PTP4A1: variants seen among roughly 807,000 people sequenced by gnomAD.
PTP4A1 encodes protein tyrosine phosphatase type IVA 1.
Under a neutral mutation model 20.5 loss-of-function variants are expected in PTP4A1, and 9 were observed. That is an observed-to-expected ratio of 0.44 (90% confidence interval 0.26 to 0.77). The LOEUF is 0.77. Among genes scored for constraint, PTP4A1 ranks in the 30% least tolerant of loss-of-function variants. The pLI, the probability that PTP4A1 is intolerant of heterozygous loss-of-function variation, is 0.19. For synonymous variants in PTP4A1, 78 were observed against 67.4 expected (o/e 1.16, Z -0.77); for missense variants, 137 against 218.8 (o/e 0.63, Z 2.36).
chr6:63,560,863 T>C (rs1035133921), intron 3 of PTP4A1, among the ~76,000 whole-genome samples: 8 of 152,126 alleles, frequency 5.3e-5, no homozygotes, highest in Non-Finnish European at 1.5e-5. Context: ...ACACTTAGAG[T>C]AGCATTAGTC....
intron 3 of PTP4A1, among the ~76,000 whole-genome samples, chr6:63,555,634 A>G (rs1159745200): frequency 1.3e-5 from 2 of 149,054 alleles, no homozygotes; most frequent in East Asian, 2.0e-4. Flanking sequence ...GCATACATCC[A>G]CTCTGTCTAG....
intron 1 of PTP4A1, among the ~76,000 whole-genome samples, chr6:63,573,037 C>T (rs1051550947): frequency 1.3e-5 from 2 of 151,980 alleles, no homozygotes; most frequent in African/African-American, 4.8e-5. Flanking sequence ...GGGGCAGTTT[C>T]GGCTTCCGCA....
At chr6:63,521,021 G>A (rs1774900095), upstream of PTP4A1, among the ~76,000 whole-genome samples, 1 of 152,096 alleles carries the variant, frequency 6.6e-6, no homozygotes, top group Non-Finnish European at 1.5e-5. Flanking sequence ...CTCATAAGTG[G>A]GAGTTGAACA....
intron 3 of PTP4A1, among the ~76,000 whole-genome samples, chr6:63,562,774 T>C (rs1777021253): frequency 6.6e-6 from 1 of 152,256 alleles, no homozygotes; most frequent in Non-Finnish European, 1.5e-5. Context: ...TGCTATATTC[T>C]CAAAACCCTC....
chr6:63,575,803 T>C (rs1205624871), intron 1 of PTP4A1, among the ~76,000 whole-genome samples: 1 of 152,130 alleles, frequency 6.6e-6, no homozygotes, highest in Non-Finnish European at 1.5e-5. Flanking sequence ...GTCTTCAGTT[T>C]AATGGGAATG....
At chr6:63,557,137 G>C (rs755620983) in intron 3 of PTP4A1, among the ~76,000 whole-genome samples, 27 of 152,222 alleles carry the variant, frequency 1.8e-4, no homozygotes, top group Admixed American at 3.9e-4. Flanking sequence ...AAGGGTGTGA[G>C]AGAGATAGAT....
intron 2 of PTP4A1, among the ~76,000 whole-genome samples, chr6:63,536,124 C>G (rs1775716141): frequency 6.6e-6 from 1 of 152,018 alleles, no homozygotes; most frequent in Non-Finnish European, 1.5e-5. Flanking sequence ...CTGAGGCCAA[C>G]AGTTCCAGAC....
chr6:63,560,867 A>G lies in PTP4A1; in HGVS notation c.-446+10374A>G, dbSNP rs1944894290. 3.3e-5 allele frequency among the ~76,000 whole-genome samples: 5 copies of G among 152,330 alleles called. No homozygotes were observed. In the South Asian group the frequency reaches 1.0e-3, roughly 32 times the overall value. ...GTTCACAGACTACACTTAGAGTAGCATTAGTCTGGGGAACAACATCTCTTG... is the reference window on the plus strand; with the variant it reads ...GTTCACAGACTACACTTAGAGTAGCGTTAGTCTGGGGAACAACATCTCTTG... On this transcript the variant is annotated intron_variant, in intron 3 of 3. Coordinates refer to the PTP4A1 transcript ENST00000639568.
In PTP4A1 at chr6:63,565,336, T is replaced by C. The variant is rs535544275; in HGVS notation, c.-445-11100T>C. ...ATTCTCATTTGATTTGGAGACTACC[T>C]AGACAACTTTCAGGTTTATATTTAA... is the stretch of plus-strand genomic sequence containing the variant. On this transcript the variant is annotated intron_variant, in intron 3 of 3. Transcript: ENST00000639568. 6.6e-5 allele frequency among the ~76,000 whole-genome samples: 10 copies of C among 152,222 alleles called. No individual in the cohort carries two copies. In the East Asian group the frequency reaches 1.9e-3, roughly 29 times the overall value.
At chr6:63,526,422 T>C (rs1420983550) in intron 1 of PTP4A1, among the ~76,000 whole-genome samples, 1 of 152,122 alleles carries the variant, frequency 6.6e-6, no homozygotes, top group Non-Finnish European at 1.5e-5. Context: ...GAAGAATTCT[T>C]ACATAATCTT....
At chr6:63,553,644 C>T (rs1776543509) in intron 3 of PTP4A1, among the ~76,000 whole-genome samples, 1 of 152,056 alleles carries the variant, frequency 6.6e-6, no homozygotes, top group African/African-American at 2.4e-5. Flanking sequence ...GTGTAGCTTC[C>T]TGGTAAAGAA....
At position 63,533,107 on chromosome 6, in the gene PTP4A1, C is replaced by T. The variant is rs532125011; in HGVS notation, c.-640+5023C>T. Among the ~76,000 whole-genome samples the T allele has an allele frequency of 5.3e-5, 8 of 152,240 alleles. No homozygotes were observed. The South Asian group carries it at 6.2e-4, about 12-fold the overall frequency. On this transcript the variant is annotated intron_variant, in intron 2 of 3. Coordinates refer to the PTP4A1 transcript ENST00000639568. ...ATTAAAAGAAAACAATAAGGCTGGG[C>T]GAGGTGGCTCATGCCTATGATCCCA...
At chr6:63,559,144 T>G (rs1463498194) in intron 3 of PTP4A1, among the ~76,000 whole-genome samples, 2 of 152,196 alleles carry the variant, frequency 1.3e-5, no homozygotes, top group African/African-American at 4.8e-5. Context: ...AATCAACAAG[T>G]TTGACTTCAC....
intron 2 of PTP4A1, among the ~76,000 whole-genome samples, chr6:63,546,660 CGT>C (rs1230198332): frequency 6.6e-6 from 1 of 151,638 alleles, no homozygotes; most frequent in African/African-American, 2.4e-5. Context: ...GAGCTGAGAT[CGT>C]GCCATTGTAC....
chr6:63,537,135 T>C (rs1447391768), intron 2 of PTP4A1, among the ~76,000 whole-genome samples: 1 of 152,236 alleles, frequency 6.6e-6, no homozygotes, highest in African/African-American at 2.4e-5. Flanking sequence ...AGTGAATGAA[T>C]TAGAATAATG....
rs1776343889 is a variant in PTP4A1 at position 63,549,502 on chromosome 6, T to C, written c.-639-798T>C. 4.0e-6 allele frequency: 3 copies of C among 754,064 alleles called. No individual in the cohort carries two copies. In the East Asian group the frequency reaches 7.7e-5, roughly 19 times the overall value. The allele number at this position is 754,064 out of a possible 1,614,324, so 46.7% of individuals were successfully genotyped here. On this transcript the variant is annotated intron_variant, in intron 2 of 3. Transcript: ENST00000639568. ...TTCTTTCCCTTGGCCTTCTTTCCTTTCGGCAGGAGGAGAGAGCCTGATTTA... is the reference window on the plus strand; with the variant it reads ...TTCTTTCCCTTGGCCTTCTTTCCTTCCGGCAGGAGGAGAGAGCCTGATTTA...
At chr6:63,569,411 C>T (rs1183854471), upstream of PTP4A1, among the ~76,000 whole-genome samples, 2 of 152,138 alleles carry the variant, frequency 1.3e-5, no homozygotes, top group South Asian at 4.1e-4. Context: ...TGCCTGCCAC[C>T]ATGCCCAGCT....
intron 1 of PTP4A1, among the ~76,000 whole-genome samples, chr6:63,522,215 A>G (rs1774954871): frequency 6.6e-6 from 1 of 152,148 alleles, no homozygotes; most frequent in African/African-American, 2.4e-5. Context: ...TCTCCAAAGT[A>G]TTTTAAGGGC....
chr6:63,560,623 C>T (rs867189015), intron 3 of PTP4A1, among the ~76,000 whole-genome samples: 3 of 151,946 alleles, frequency 2.0e-5, no homozygotes, highest in Admixed American at 6.6e-5. Flanking sequence ...AGGCTGGTCT[C>T]GAACTCCTGA....
Sources: gnomAD v4.1 joint callset for allele counts (sites outside exome capture counted in the v4.1 genomes callset) on GRCh38, gnomAD v4.1.1 for gene constraint, MANE v1.5 for transcripts, NCBI Gene and HGNC (gene_info 2026-07-23, HGNC 2026-07-21) for gene names.